FBN2: variants seen among roughly 807,000 people sequenced by gnomAD.
FBN2 encodes the protein fibrillin 2.
FBN2 carries 105 observed loss-of-function variants against 355.6 expected under a neutral mutation model. The observed-to-expected ratio is 0.30, with a 90% CI of 0.25 to 0.35. The LOEUF (loss-of-function observed/expected upper bound fraction) is 0.35. Among genes scored for constraint, FBN2 ranks in the 10% least tolerant of loss-of-function variants. The probability of loss-of-function intolerance (pLI) is 1.00; values close to 1 mark genes in which losing one functional copy is unlikely to be tolerated. For synonymous variants in FBN2, 1,350 were observed against 1,301.2 expected (o/e 1.04, Z -0.81); for missense variants, 3,280 against 3,758.7 (o/e 0.87, Z 3.33).
chr5:128,534,472 T>C (rs1756794038), intron 2 of FBN2, among the ~76,000 whole-genome samples: 2 of 152,246 alleles, frequency 1.3e-5, no homozygotes, highest in African/African-American at 2.4e-5. Flanking sequence ...TTAATAATCT[T>C]AGGTACTTAG....
Position 128,409,076 on chromosome 5 carries a change from G to A in FBN2, c.953-277C>T, listed in dbSNP as rs116489543. Among the ~76,000 whole-genome samples the A allele has an allele frequency of 6.4e-3, 970 of 152,160 alleles. 12 individuals are homozygous for A. Among genetic ancestry groups the A allele is most frequent in the African/African-American group, 0.022 (910 of 41,512 alleles). On this transcript the variant is annotated intron_variant, in intron 7 of 64. Transcript: ENST00000262464. ...GCAATTTAAATTGGAAATAAGTAAA[G>A]ATGTCAATGTTTTAGTTTCCATTCT...
At chr5:128,416,652 T>C (rs1753208163) in intron 7 of FBN2, among the ~76,000 whole-genome samples, 1 of 152,190 alleles carries the variant, frequency 6.6e-6, no homozygotes, top group East Asian at 1.9e-4. Flanking sequence ...CCCAGCACCA[T>C]TTACTGAAAA....
At chr5:128,465,626 A>G (rs1162207867) in intron 5 of FBN2, among the ~76,000 whole-genome samples, 3 of 152,216 alleles carry the variant, frequency 2.0e-5, no homozygotes, top group Non-Finnish European at 4.4e-5. Flanking sequence ...GGAAGATCTC[A>G]TTAATAAGGC....
chr5:128,393,321 G>A lies in FBN2; in HGVS notation c.1279C>T (p.Pro427Ser). 6.2e-7 allele frequency: 1 copy of A among 1,614,088 alleles called. No individual in the cohort carries two copies. Among genetic ancestry groups the A allele is most frequent in the Non-Finnish European group, 8.5e-7 (1 of 1,180,010 alleles). ...CMDGLPMGGI[P>S]GSAGSRPGGT... is the part of the protein sequence containing the mutation. ...CCAGGTCTGGAACCAGCACTCCCTG[G>A]AATTCCTCCCATTGGAAGTCCATCC... Residue 427 changes from proline (P) to serine (S), a missense_variant, in exon 10 of 65, where the codon CCA becomes TCA. Pro to Ser is a moderately conservative substitution (Grantham distance 74). Transcript: ENST00000262464.
intron 7 of FBN2, among the ~76,000 whole-genome samples, chr5:128,436,082 G>A (rs1485004517): frequency 6.6e-6 from 1 of 152,192 alleles, no homozygotes; most frequent in Non-Finnish European, 1.5e-5. Context: ...CACCGTCAAG[G>A]TGCTGTCCAA....
rs528724488 is a variant in FBN2, at chr5:128,501,946, CT to C, written c.628+17326del. ...GACTCGAAGACACAACAGAACATTT[CT>C]CCAAAATTAAGGAAGAAGACTATCA... On this transcript the variant is annotated intron_variant, in intron 5 of 64. Transcript: ENST00000262464. Among the ~76,000 whole-genome samples the C allele has an allele frequency of 9.2e-5, 14 of 152,266 alleles. No homozygotes were observed. The South Asian group carries it at 2.9e-3, about 32-fold the overall frequency.
chr5:128,259,445 C>A lies in FBN2; in HGVS notation c.*10G>T. 1 of 1,612,708 alleles carries A rather than the reference C, an allele frequency of 6.2e-7. No individual in the cohort carries two copies. The highest frequency in any genetic ancestry group is 8.5e-7 in the Non-Finnish European group (1 of 1,179,906). ...CTAGGATTTGAGCCTGGGCCCAAGT[C>A]TGTGAAGGGTTAATAGAGCTGAATC... is the stretch of plus-strand genomic sequence containing the variant. On this transcript the variant is annotated 3_prime_UTR_variant, in exon 65 of 65. Transcript: ENST00000262464.
intron 5 of FBN2, among the ~76,000 whole-genome samples, chr5:128,509,079 C>T (rs1291117157): frequency 6.6e-6 from 1 of 151,966 alleles, no homozygotes; most frequent in Non-Finnish European, 1.5e-5. Flanking sequence ...ATATAATTTT[C>T]TTCAAGTTTC....
At chr5:128,457,753 T>G (rs1754437324) in intron 6 of FBN2, among the ~76,000 whole-genome samples, 1 of 151,672 alleles carries the variant, frequency 6.6e-6, no homozygotes, top group African/African-American at 2.4e-5. Flanking sequence ...AAGCAAATGC[T>G]GAGGGATTTC....
At position 128,330,690 on chromosome 5, in the gene FBN2, C is replaced by A; in HGVS notation, c.4228G>T (p.Asp1410Tyr). Residue 1410 changes from aspartate (D) to tyrosine (Y), a missense_variant, in exon 33 of 65, where the codon GAC becomes TAC. This residue lies in a region of FBN2 where 2,284 missense variants were observed against 2,749.5 expected (regional missense o/e 0.83). Transcript: ENST00000262464. ...TGGTGGGTTCCATTAGAACATTCGT[C>A]CAGATCTGCAGAACACAGCAATAAA... ...IGNGIKCIDLDECSNGTHQCS... is the reference protein window; with the variant it reads ...IGNGIKCIDLYECSNGTHQCS... 6.2e-7 allele frequency: 1 copy of A among 1,613,898 alleles called. No individual in the cohort carries two copies. The highest frequency in any genetic ancestry group is 8.5e-7 in the Non-Finnish European group (1 of 1,179,846).
At chr5:128,378,198 T>C (rs1301416704) in intron 12 of FBN2, among the ~76,000 whole-genome samples, 1 of 152,008 alleles carries the variant, frequency 6.6e-6, no homozygotes, top group Non-Finnish European at 1.5e-5. Context: ...GAACAAGATG[T>C]TGGATAAGTG....
chr5:128,417,367 C>T (rs1244262266), intron 7 of FBN2, among the ~76,000 whole-genome samples: 1 of 152,112 alleles, frequency 6.6e-6, no homozygotes, highest in Non-Finnish European at 1.5e-5. Flanking sequence ...TCTGATTGCT[C>T]TGGCTAGGAC....
chr5:128,343,985 C>T (rs1434710749), intron 25 of FBN2, among the ~76,000 whole-genome samples: 2 of 152,180 alleles, frequency 1.3e-5, no homozygotes, highest in African/African-American at 4.8e-5. Flanking sequence ...AATCCCAGCA[C>T]TTGGGGAGGC....
At chr5:128,352,793 T>C (rs1158172303) in intron 20 of FBN2, among the ~76,000 whole-genome samples, 1 of 152,250 alleles carries the variant, frequency 6.6e-6, no homozygotes, top group Non-Finnish European at 1.5e-5. Context: ...CAGCATATTG[T>C]GGCATTAAGA....
At position 128,305,593 on chromosome 5, in the gene FBN2, A is replaced by C. The variant is rs1561760231; in HGVS notation, c.5592T>G (p.Asn1864Lys). 3 of 1,614,056 alleles carry C rather than the reference A, an allele frequency of 1.9e-6. No individual in the cohort carries two copies. Among genetic ancestry groups the C allele is most frequent in the Non-Finnish European group, 2.5e-6 (3 of 1,179,936 alleles). ...TACCAGGACTATTGATGCAGTCTGCATTCCGCTGGCAGAGATTATCACCAT... is the reference window on the plus strand; with the variant it reads ...TACCAGGACTATTGATGCAGTCTGCCTTCCGCTGGCAGAGATTATCACCAT... ...CSNGDNLCQR[N>K]ADCINSPGSY... Residue 1864 changes from asparagine to lysine, a missense_variant, in exon 44 of 65, where the codon AAT (asparagine) becomes AAG (lysine). By Grantham distance (94) the Asn-to-Lys change is moderately conservative (BLOSUM62 0). Transcript: ENST00000262464.
intron 16 of FBN2, among the ~76,000 whole-genome samples, chr5:128,368,455 C>CACATATATAT (rs148416062): frequency 1.6e-4 from 21 of 132,000 alleles, no homozygotes; most frequent in East Asian, 4.3e-4. Flanking sequence ...CATATATATA[C>CACATATATAT]ACATATATAT....
At chr5:128,304,804 T>C (rs1167382516) in intron 45 of FBN2, among the ~76,000 whole-genome samples, 153 bp downstream of exon 45, 5 of 152,162 alleles carry the variant, frequency 3.3e-5, no homozygotes, top group Non-Finnish European at 5.9e-5. Flanking sequence ...AAATTTTATA[T>C]TGAATCAAGA....
chr5:128,361,838 T>C lies in FBN2; in HGVS notation c.2439A>G (p.Glu813=), dbSNP rs1581241374. The change falls in exon 19 of 65, where the codon GAA becomes GAG. Residue 813 remains glutamate (E), a synonymous_variant. Coordinates refer to ENST00000262464, the MANE Select transcript of FBN2 (RefSeq NM_001999.4). ...CACAAAGCAGTCTGTTTACTAAACA[T>C]TCATCAATGTCTGAAAGCAACGATT... is the stretch of plus-strand genomic sequence containing the variant. ...ASGRNCIDID[E]CLVNRLLCDN... 4 of 1,614,112 alleles carry C rather than the reference T, an allele frequency of 2.5e-6. No homozygotes were observed. The highest frequency in any genetic ancestry group is 3.4e-6 in the Non-Finnish European group (4 of 1,179,962).
chr5:128,312,944 C>T, intron 36 of FBN2, 149 bp from the exon 37 acceptor site: 5 of 887,702 alleles, frequency 5.6e-6, no homozygotes, highest in South Asian at 2.7e-5. Flanking sequence ...CAATCTCCTG[C>T]TTTTCAGCTT....
Sources: allele counts gnomAD v4.1 joint callset (sites outside exome capture counted in the v4.1 genomes callset), GRCh38; gene constraint gnomAD v4.1.1; regional missense constraint gnomAD v4.1.1; transcripts MANE v1.5; gene names NCBI Gene and HGNC (gene_info 2026-07-23, HGNC 2026-07-21).